Variants in ZSWIM5 observed in about 807,000 individuals in gnomAD.
The protein encoded by ZSWIM5 is zinc finger SWIM-type containing 5.
Under a neutral mutation model 119.6 loss-of-function variants are expected in ZSWIM5, and 55 were observed. That is an observed-to-expected ratio of 0.46 (90% CI 0.37 to 0.58). The LOEUF (loss-of-function observed/expected upper bound fraction) is 0.58. Among genes scored for constraint, ZSWIM5 ranks in the 20% least tolerant of loss-of-function variants. The pLI is 0.00. For synonymous variants in ZSWIM5, 537 were observed against 606.9 expected (o/e 0.88, Z 1.69); for missense variants, 1,193 against 1,512.8 (o/e 0.79, Z 3.51).
chr1:45,088,280 A>T lies in ZSWIM5; in HGVS notation c.596-43T>A. The T allele has an allele frequency of 7.3e-7, 1 of 1,377,068 alleles. No individual in the cohort carries two copies. The highest frequency in any genetic ancestry group is 9.9e-7 in the Non-Finnish European group (1 of 1,008,926). The allele number at this position is 1,377,068 out of a possible 1,614,324, so 85.3% of individuals were successfully genotyped here. A position where few individuals can be genotyped will look rare whatever the true frequency, so the allele number is the denominator to read the frequency against. On this transcript the variant is annotated intron_variant, in intron 1 of 13. Transcript: ENST00000359600. This position sits in a 1 kb window ranked among gnomAD's most constrained non-coding sequence, Gnocchi z 4.2. ...AAACTGTGTTTAGAGATTCTAGAGT[A>T]ATAAACTTAGATTCTCATTTTACAT...
intron 1 of ZSWIM5, among the ~76,000 whole-genome samples, chr1:45,183,106 G>A (rs186755243): frequency 1.6e-3 from 248 of 152,206 alleles, no homozygotes; most frequent in Middle Eastern, 3.4e-3. Context: ...ACTCAAGTCC[G>A]CTCAACTACA....
At chr1:45,024,230 G>A (rs112275494) in intron 11 of ZSWIM5, among the ~76,000 whole-genome samples, 8,356 of 136,732 alleles carry the variant, frequency 0.061, 291 homozygotes, top group East Asian at 0.12. Flanking sequence ...CGGTCTTGTC[G>A]CCCAGGCTGG....
chr1:45,083,080 G>A lies in ZSWIM5; in HGVS notation c.952+4801C>T, dbSNP rs547517095. ...CTCAGGTCTCAAAAAGGAGGTCAGC[G>A]TAGAACAGCCTCTCTGTGTGGGATA... is the stretch of plus-strand genomic sequence containing the variant. On this transcript the variant is annotated intron_variant, in intron 2 of 13. Transcript: ENST00000359600. Among the ~76,000 whole-genome samples, 102 of 152,248 alleles carry A rather than the reference G, an allele frequency of 6.7e-4. No individual in the cohort carries two copies. In the Middle Eastern group the frequency reaches 0.01, roughly 15 times the overall value.
At chr1:45,196,997 T>C (rs1646129514) in intron 1 of ZSWIM5, among the ~76,000 whole-genome samples, 1 of 152,176 alleles carries the variant, frequency 6.6e-6, no homozygotes. Context: ...TGCTTAACTT[T>C]GAGACTTTCA....
intron 1 of ZSWIM5, among the ~76,000 whole-genome samples, chr1:45,101,605 A>G (rs1443531459): frequency 6.6e-6 from 1 of 152,008 alleles, no homozygotes; most frequent in African/African-American, 2.4e-5. Flanking sequence ...TGTTTACTGC[A>G]ACACTATTCA....
chr1:45,153,447 G>A (rs956475690), intron 1 of ZSWIM5, among the ~76,000 whole-genome samples: 1 of 151,456 alleles, frequency 6.6e-6, no homozygotes, highest in Non-Finnish European at 1.5e-5. Flanking sequence ...CAGAGGTTGT[G>A]GTGAGCCAAA....
chr1:45,173,948 G>A (rs972054372), intron 1 of ZSWIM5, among the ~76,000 whole-genome samples: 5 of 152,018 alleles, frequency 3.3e-5, no homozygotes, highest in Non-Finnish European at 5.9e-5. Context: ...GATGAGTTAC[G>A]TATGTTTGTA....
chr1:45,069,720 G>C (rs570550127), intron 2 of ZSWIM5, among the ~76,000 whole-genome samples: 1 of 152,112 alleles, frequency 6.6e-6, no homozygotes, highest in East Asian at 1.9e-4. Context: ...GAAAAACTAA[G>C]AAGAAAATGC....
rs543009369 is a variant in ZSWIM5 at position 45,129,759 on chromosome 1, C to T, written c.596-41522G>A. Among the ~76,000 whole-genome samples the T allele has an allele frequency of 2.0e-5, 3 of 152,266 alleles. No individual in the cohort carries two copies. The East Asian group carries it at 5.8e-4, about 29-fold the overall frequency. On this transcript the variant is annotated intron_variant, in intron 1 of 13. Transcript: ENST00000359600. ...GTAATAAACTTTGACTTAAACTTCA[C>T]ACCTTACACAAAAATGAACTCAAAA...
At chr1:45,132,191 A>G (rs960854284) in intron 1 of ZSWIM5, among the ~76,000 whole-genome samples, 8 of 151,952 alleles carry the variant, frequency 5.3e-5, no homozygotes, top group Admixed American at 5.2e-4. Context: ...ATCATGTTGT[A>G]TACATTAAAT....
At chr1:45,064,882 T>C (rs562491037) in intron 2 of ZSWIM5, among the ~76,000 whole-genome samples, 21 of 152,332 alleles carry the variant, frequency 1.4e-4, no homozygotes, top group African/African-American at 4.6e-4. Context: ...GGCTATACTT[T>C]GGCCTTCAGT....
chr1:45,115,182 G>A (rs1209729648), intron 1 of ZSWIM5, among the ~76,000 whole-genome samples: 2 of 152,230 alleles, frequency 1.3e-5, no homozygotes, highest in South Asian at 2.1e-4. Context: ...CGGGGTGGCC[G>A]CCGGGCAGAG....
chr1:45,102,740 G>A (rs911484720), intron 1 of ZSWIM5, among the ~76,000 whole-genome samples: 4 of 152,098 alleles, frequency 2.6e-5, no homozygotes, highest in Non-Finnish European at 5.9e-5. Context: ...AAATAAGCCA[G>A]TAATTAAATA....
chr1:45,193,153 G>T (rs1646101815), intron 1 of ZSWIM5, among the ~76,000 whole-genome samples: 2 of 152,168 alleles, frequency 1.3e-5, no homozygotes, highest in African/African-American at 4.8e-5. Context: ...AAGTGCTTCA[G>T]AGTTTCAAAG....
chr1:45,172,077 A>T lies in ZSWIM5; in HGVS notation c.595+33679T>A, dbSNP rs900408498. Among the ~76,000 whole-genome samples, 13 of 152,068 alleles carry T rather than the reference A, an allele frequency of 8.5e-5. No individual in the cohort carries two copies. In the South Asian group the frequency reaches 1.7e-3, roughly 19 times the overall value. On this transcript the variant is annotated intron_variant, in intron 1 of 13. Transcript: ENST00000359600. ...ATTCACCGTCCAAAATGCAGAGGAA[A>T]ATCTAATAATATTGTAAGAATGCTC...
chr1:45,035,787 C>G lies in ZSWIM5; in HGVS notation c.2192G>C (p.Arg731Pro), dbSNP rs568026294. ...AAAGGTATGCATGGGAACACTCTCT[C>G]GGTGGATGACTTCTCCCAGACCGCT... Reference protein sequence around the residue: ...PFSGLGEVIHRESVPMHTFAK... With the variant: ...PFSGLGEVIHPESVPMHTFAK... The change falls in exon 10 of 14, where the codon CGA (arginine) becomes CCA (proline). Residue 731 changes from arginine (R) to proline (P), a missense_variant. Transcript: ENST00000359600. The G allele has an allele frequency of 3.7e-6, 6 of 1,613,688 alleles. No individual in the cohort carries two copies. In the South Asian group the frequency reaches 6.6e-5, roughly 18 times the overall value.
chr1:45,105,322 G>C (rs945354645), intron 1 of ZSWIM5, among the ~76,000 whole-genome samples: 1 of 152,196 alleles, frequency 6.6e-6, no homozygotes, highest in African/African-American at 2.4e-5. Flanking sequence ...CCAGCCGCCT[G>C]CCTTGGCCTC....
At chr1:45,115,715 C>T (rs61788427) in intron 1 of ZSWIM5, among the ~76,000 whole-genome samples, 9,749 of 149,662 alleles carry the variant, frequency 0.065, 338 homozygotes, top group Non-Finnish European at 0.097. Context: ...CAGAGACGCT[C>T]GTCACTTCCC....
At chr1:45,100,781 C>G (rs1570097745) in intron 1 of ZSWIM5, among the ~76,000 whole-genome samples, 1 of 152,164 alleles carries the variant, frequency 6.6e-6, no homozygotes, top group East Asian at 1.9e-4. Context: ...ACAAACCTGA[C>G]AAAAACAAGA....
Sources: allele counts gnomAD v4.1 joint callset (sites outside exome capture counted in the v4.1 genomes callset), GRCh38; gene constraint gnomAD v4.1.1; non-coding constraint Gnocchi (gnomAD v3.1); transcripts MANE v1.5; gene names NCBI Gene and HGNC (gene_info 2026-07-23, HGNC 2026-07-21).